Variants in PROM2 observed in about 807,000 individuals in gnomAD.
The protein encoded by PROM2 is prominin 2, also known as prominin-2.
PROM2 carries 90 observed loss-of-function variants against 110.2 expected under a neutral mutation model. The ratio of observed to expected loss-of-function variants is 0.82; its 90% CI spans 0.69 to 0.97. The LOEUF is 0.97. Among genes scored for constraint, PROM2 ranks in the 50% least tolerant of loss-of-function variants. PROM2 has a pLI of 0.00. For synonymous variants in PROM2, 470 were observed against 467.8 expected (o/e 1.00, Z -0.06); for missense variants, 1,009 against 1,074.8 (o/e 0.94, Z 0.86).
chr2:95,280,520 T>G (rs1676985351), intron 11 of PROM2, among the ~76,000 whole-genome samples: 1 of 152,248 alleles, frequency 6.6e-6, no homozygotes, highest in East Asian at 1.9e-4. Flanking sequence ...TTCTGCCCTG[T>G]CGGCAGGTCA....
intron 12 of PROM2, 40 bp downstream of exon 12, chr2:95,281,405 G>A (rs1290396021): frequency 1.3e-6 from 2 of 1,593,266 alleles, no homozygotes; most frequent in Admixed American, 3.4e-5. Flanking sequence ...TGGGGAGAGA[G>A]GTGGGGGGCG....
chr2:95,284,816 A>C (rs973189275), intron 14 of PROM2, among the ~76,000 whole-genome samples, 153 bp from the exon 15 acceptor site: 11 of 152,064 alleles, frequency 7.2e-5, no homozygotes, highest in African/African-American at 2.7e-4. Flanking sequence ...GCCCACCTTC[A>C]CCCCCAACAC....
In PROM2 at chr2:95,281,272, A is replaced by G; in HGVS notation, c.1458A>G (p.Ala486=). The G allele has an allele frequency of 6.2e-7, 1 of 1,612,882 alleles. No individual in the cohort carries two copies. Among genetic ancestry groups the G allele is most frequent in the Non-Finnish European group, 8.5e-7 (1 of 1,179,892 alleles). The stretch of plus-strand genomic sequence containing the variant: ...TGGGCCTCAGCTTCCTCTTTGCTGC[A>G]CCCCTCATCCTCCTGGTGTTCGCCA... ...AGVGLSFLFA[A]PLILLVFATF... Residue 486 remains alanine (A), a synonymous_variant, in exon 12 of 24, where the codon GCA becomes GCG. Transcript: ENST00000317620.
chr2:95,277,190 C>A, intron 6 of PROM2, 129 bp downstream of exon 6: 1 of 1,125,446 alleles, frequency 8.9e-7, no homozygotes, highest in Non-Finnish European at 1.3e-6. Context: ...ATCGCTGTAC[C>A]CCAGGATCCA....
At chr2:95,284,883 C>A in intron 14 of PROM2, 86 bp from the exon 15 acceptor site, 1 of 1,400,504 alleles carries the variant, frequency 7.1e-7, no homozygotes, top group Non-Finnish European at 9.6e-7. Context: ...ACCATATCGC[C>A]TGGTGACCCC....
At chr2:95,285,915 T>C (rs1677331990) in intron 16 of PROM2, among the ~76,000 whole-genome samples, 1 of 152,254 alleles carries the variant, frequency 6.6e-6, no homozygotes, top group Non-Finnish European at 1.5e-5. Context: ...TGTGTGGCCT[T>C]GGGCAAGACA....
Position 95,276,768 on chromosome 2 carries a change from G to T in PROM2, c.682+111G>T. ...TTCTGGACACCCCCGGGAACAGGCTGGTAGAGGTGGGGATCAGGCCGGCTG... is the reference window on the plus strand; with the variant it reads ...TTCTGGACACCCCCGGGAACAGGCTTGTAGAGGTGGGGATCAGGCCGGCTG... On this transcript the variant is annotated intron_variant, in intron 5 of 23. Transcript: ENST00000317620. The surrounding 1 kb of genome is among the most constrained non-coding windows in gnomAD (Gnocchi z 4.6). The T allele has an allele frequency of 7.8e-7, 1 of 1,284,226 alleles. No homozygotes were observed. Among genetic ancestry groups the T allele is most frequent in the Middle Eastern group, 2.6e-4 (1 of 3,824 alleles). The allele number at this position is 1,284,226 out of a possible 1,614,324, so 79.6% of individuals were successfully genotyped here.
intron 22 of PROM2, 42 bp from the exon 23 acceptor site, chr2:95,288,891 T>TG (rs1252739576): frequency 1.9e-6 from 3 of 1,590,862 alleles, no homozygotes; most frequent in Non-Finnish European, 2.6e-6. Flanking sequence ...GCTGAGGGTC[T>TG]GGGGGGAAGG....
At chr2:95,284,674 G>A (rs1451307166) in intron 14 of PROM2, among the ~76,000 whole-genome samples, 4 of 152,016 alleles carry the variant, frequency 2.6e-5, no homozygotes, top group East Asian at 1.9e-4. Context: ...GAGAGGGAAC[G>A]AGAGAGCCAA....
In PROM2 at chr2:95,286,552, T is replaced by A. The variant is rs763883954; in HGVS notation, c.2021T>A (p.Val674Asp). 1 of 1,613,102 alleles carries A rather than the reference T, an allele frequency of 6.2e-7. No individual in the cohort carries two copies. The highest frequency in any genetic ancestry group is 8.5e-7 in the Non-Finnish European group (1 of 1,179,778). ...GLRNLHQEKVVPQQSLVAKLN... is the reference protein window; with the variant it reads ...GLRNLHQEKVDPQQSLVAKLN... ...AGAAACCTTCACCAGGAGAAGGTCG[T>A]CCCCCAGCAGAGCCTTGTGGTCAGT... Residue 674 changes from valine (V) to aspartate (D), a missense_variant, in exon 17 of 24, where the codon GTC (valine) becomes GAC (aspartate). Val to Asp is a radical substitution (Grantham distance 152). Transcript: ENST00000317620.
At position 95,288,223 on chromosome 2, in the gene PROM2, A is replaced by G. The variant is rs1402005783; in HGVS notation, c.2257A>G (p.Ile753Val). ...GTTGGCGCCACAGGTGACTCAGCGC[A>G]TTGCCACCTGCCAGCCCCTCTCCGG... is the stretch of plus-strand genomic sequence containing the variant. ...AWVREEVTQR[I>V]ATCQPLSGAL... Residue 753 changes from isoleucine to valine, a missense_variant, in exon 21 of 24, where the codon ATT becomes GTT. Coordinates refer to ENST00000317620, the MANE Select transcript of PROM2 (RefSeq NM_001165978.3). 2 of 1,613,752 alleles carry G rather than the reference A, an allele frequency of 1.2e-6. No individual in the cohort carries two copies. The highest frequency in any genetic ancestry group is 1.7e-6 in the Non-Finnish European group (2 of 1,179,988).
At chr2:95,277,903 G>A (rs1167584430) in intron 7 of PROM2, 27 bp from the exon 8 acceptor site, 4 of 1,604,918 alleles carry the variant, frequency 2.5e-6, no homozygotes, top group Non-Finnish European at 3.4e-6. Flanking sequence ...CATGAACTTT[G>A]TCATAACCCA....
Position 95,276,885 on chromosome 2 carries a change from C to CA in PROM2, c.683-87_683-86insA. On this transcript the variant is annotated intron_variant, in intron 5 of 23. Coordinates refer to ENST00000317620, the MANE Select transcript of PROM2 (RefSeq NM_001165978.3). The surrounding 1 kb of genome is among the most constrained non-coding windows in gnomAD (Gnocchi z 4.6). Reference sequence around the variant, plus strand: ...TCCACCCCCCGGCTCCTGCAGAGCCCGGTGGGGCCTGGGGAGGCAGGATGG... The same window carrying CA: ...TCCACCCCCCGGCTCCTGCAGAGCCCAGGTGGGGCCTGGGGAGGCAGGATGG... 5 of 1,404,668 alleles carry CA rather than the reference C, an allele frequency of 3.6e-6. No individual in the cohort carries two copies. Among genetic ancestry groups the CA allele is most frequent in the Non-Finnish European group, 4.9e-6 (5 of 1,016,722 alleles). 87.0% of individuals were successfully genotyped at this position (1,404,668 alleles called of 1,614,324 possible).
chr2:95,286,645 G>A (rs1573461810), intron 17 of PROM2, 74 bp downstream of exon 17: 1 of 1,372,120 alleles, frequency 7.3e-7, no homozygotes, highest in Non-Finnish European at 1.0e-6. Context: ...AAAGGGGAGG[G>A]AAGTTCTGAG....
chr2:95,281,308 G>A lies in PROM2; in HGVS notation c.1494G>A (p.Val498=). ...TCCTGGTGTTCGCCACCTTCCTGGTGGGTGGCAACGTGCAGACGCTGGTGT... is the reference window on the plus strand; with the variant it reads ...TCCTGGTGTTCGCCACCTTCCTGGTAGGTGGCAACGTGCAGACGCTGGTGT... ...LILLVFATFL[V]GGNVQTLVCQ... The change falls in exon 12 of 24, where the codon GTG becomes GTA. Residue 498 remains valine (V), a synonymous_variant. Coordinates refer to ENST00000317620, the MANE Select transcript of PROM2 (RefSeq NM_001165978.3). 6.2e-7 allele frequency: 1 copy of A among 1,613,332 alleles called. No homozygotes were observed. Among genetic ancestry groups the A allele is most frequent in the Non-Finnish European group, 8.5e-7 (1 of 1,179,918 alleles).
chr2:95,282,796 A>C (rs911383303), intron 14 of PROM2, among the ~76,000 whole-genome samples: 1 of 152,206 alleles, frequency 6.6e-6, no homozygotes, highest in Non-Finnish European at 1.5e-5. Context: ...CTGTTTCACA[A>C]GAGGGATGGA....
At chr2:95,282,040 C>G in intron 13 of PROM2, 24 bp downstream of exon 13, 1 of 1,612,690 alleles carries the variant, frequency 6.2e-7, no homozygotes, top group Non-Finnish European at 8.5e-7. Flanking sequence ...CTGGGCAGAG[C>G]TGGGACCGGG....
At chr2:95,281,497 A>C in intron 12 of PROM2, 132 bp downstream of exon 12, 26 of 1,190,798 alleles carry the variant, frequency 2.2e-5, no homozygotes, top group Middle Eastern at 2.9e-4. Context: ...TGAGACAGAC[A>C]TGGCCAAGGA....
rs961244907 is a variant in PROM2 at position 95,282,090 on chromosome 2, G to GC, written c.1644-45dup. On this transcript the variant is annotated intron_variant, in intron 13 of 23. Transcript: ENST00000317620. ...GGCCGGTGTCCCTCAGGGGACATCA[G>GC]CCCCCCCGCCACCCCCAAGGCTCAT... 25 of 1,606,608 alleles carry GC rather than the reference G, an allele frequency of 1.6e-5. 1 individual carries two copies. The highest frequency in any genetic ancestry group is 2.2e-5 in the South Asian group (2 of 90,910).
Sources: gnomAD v4.1 joint callset for allele counts (sites outside exome capture counted in the v4.1 genomes callset) on GRCh38, gnomAD v4.1.1 for gene constraint, Gnocchi (gnomAD v3.1) non-coding constraint, MANE v1.5 for transcripts, NCBI Gene and HGNC (gene_info 2026-07-23, HGNC 2026-07-21) for gene names.